Variants in SRSF9 observed in about 807,000 individuals in gnomAD.
SRSF9 encodes serine/arginine-rich splicing factor 9.
SRSF9 carries 3 observed loss-of-function variants against 25.9 expected under a neutral mutation model. The observed-to-expected ratio is 0.12, with a 90% CI of 0.05 to 0.30. The LOEUF (loss-of-function observed/expected upper bound fraction) is 0.30, where lower values mean the gene tolerates loss of function less well. Among genes scored for constraint, SRSF9 ranks in the 10% least tolerant of loss-of-function variants. SRSF9 has a pLI of 1.00. For missense variants in SRSF9, 161 were observed against 303.5 expected (o/e 0.53, Z 3.49); for synonymous variants, 114 against 113.2 (o/e 1.01, Z -0.05).
In SRSF9 at chr12:120,461,729, T is replaced by C. The variant is rs985483306; in HGVS notation, c.*290A>G. ...AATGGGCCGACTCAGTCACAGTAAC[T>C]GTTGATCTCCATAGTAGAGCAACCC... On this transcript the variant is annotated 3_prime_UTR_variant, in exon 4 of 4. Coordinates refer to ENST00000229390, the MANE Select transcript of SRSF9 (RefSeq NM_003769.3). 1 of 236,238 alleles carries C rather than the reference T, an allele frequency of 4.2e-6. No individual in the cohort carries two copies. Among genetic ancestry groups the C allele is most frequent in the African/African-American group, 2.3e-5 (1 of 44,288 alleles). 14.6% of individuals were successfully genotyped at this position (236,238 alleles called of 1,614,324 possible).
chr12:120,468,619 G>A (rs1241507854), intron 1 of SRSF9, among the ~76,000 whole-genome samples: 1 of 152,176 alleles, frequency 6.6e-6, no homozygotes, highest in African/African-American at 2.4e-5. Context: ...ACAGGGTGCG[G>A]GCTCTTATTT....
chr12:120,463,906 G>C, intron 3 of SRSF9, 44 bp downstream of exon 3: 1 of 1,561,420 alleles, frequency 6.4e-7, no homozygotes, highest in African/African-American at 1.4e-5. Flanking sequence ...GGTTCAAGTG[G>C]AGTGATTTGA....
At chr12:120,466,132 C>T (rs911545773) in intron 1 of SRSF9, among the ~76,000 whole-genome samples, 6 of 152,200 alleles carry the variant, frequency 3.9e-5, no homozygotes, top group African/African-American at 1.4e-4. Flanking sequence ...TTCTAATCTT[C>T]GTGAGCATTT....
At chr12:120,467,460 C>T (rs1448748500) in intron 1 of SRSF9, among the ~76,000 whole-genome samples, 2 of 145,244 alleles carry the variant, frequency 1.4e-5, no homozygotes, top group African/African-American at 2.9e-5. Context: ...GAGACTGTGC[C>T]GCTACACTCC....
At chr12:120,466,657 C>T (rs1878488364) in intron 1 of SRSF9, among the ~76,000 whole-genome samples, 1 of 152,108 alleles carries the variant, frequency 6.6e-6, no homozygotes, top group South Asian at 2.1e-4. Flanking sequence ...CCACCTCAGC[C>T]TCCTGAATAG....
Position 120,469,531 on chromosome 12 carries a change from C to G in SRSF9, c.79G>C (p.Glu27Gln), listed in dbSNP as rs1197713806. ...TAGAACAGGTCCTCCAAGTCCTTCT[C>G]GCGCACGTCGGTCGGAAGGTTCCCC... ...YVGNLPTDVR[E>Q]KDLEDLFYKY... Residue 27 changes from glutamate (E) to glutamine (Q), a missense_variant, in exon 1 of 4, where the codon GAG becomes CAG. This residue lies in a region of SRSF9 where 99 missense variants were observed against 156.7 expected (regional missense o/e 0.63). Coordinates refer to ENST00000229390, the MANE Select transcript of SRSF9 (RefSeq NM_003769.3). 1.3e-6 allele frequency: 2 copies of G among 1,590,760 alleles called. No homozygotes were observed. Among genetic ancestry groups the G allele is most frequent in the Admixed American group, 1.7e-5 (1 of 57,532 alleles).
intron 1 of SRSF9, 98 bp downstream of exon 1, chr12:120,469,324 G>C: frequency 2.6e-6 from 2 of 782,786 alleles, no homozygotes; most frequent in South Asian, 2.0e-5. Context: ...GCGGGGGGAG[G>C]GGAGGCCGGG....
chr12:120,469,321 G>T (rs1592994015), intron 1 of SRSF9, 101 bp downstream of exon 1: 3 of 745,130 alleles, frequency 4.0e-6, no homozygotes, highest in Non-Finnish European at 6.1e-6. Context: ...GAGGCGGGGG[G>T]AGGGGAGGCC....
chr12:120,462,326 G>A, intron 3 of SRSF9, 164 bp from the exon 4 acceptor site: 1 of 626,932 alleles, frequency 1.6e-6, no homozygotes, highest in East Asian at 3.2e-5. Context: ...TTATGAGGTA[G>A]GTACTCTTAC....
In SRSF9 at chr12:120,466,542, C is replaced by CT. The variant is rs35719401; in HGVS notation, c.189-756dup. Among the ~76,000 whole-genome samples the CT allele has an allele frequency of 2.9e-3, 427 of 146,528 alleles. 1 individual carries two copies. The highest frequency in any genetic ancestry group is 5.7e-3 in the African/African-American group (229 of 40,136). On this transcript the variant is annotated intron_variant, in intron 1 of 3. Transcript: ENST00000229390. ...TGAGTGTTTTGTGATGAATGTGGAA[C>CT]TTTTTTTTTTTTTGAAACGGGGTCT...
At chr12:120,463,828 AAGAT>A (rs1878421371) in intron 3 of SRSF9, 118 bp downstream of exon 3, 3 of 1,170,464 alleles carry the variant, frequency 2.6e-6, no homozygotes, top group African/African-American at 3.1e-5. Context: ...TTGTCCACCT[AAGAT>A]AGATCTCTTA....
At chr12:120,468,890 C>T (rs1465064572) in intron 1 of SRSF9, among the ~76,000 whole-genome samples, 1 of 152,216 alleles carries the variant, frequency 6.6e-6, no homozygotes, top group Non-Finnish European at 1.5e-5. Flanking sequence ...TCCGTGATCC[C>T]TTTACAAAGC....
chr12:120,465,863 G>C (rs1226011262), intron 1 of SRSF9, 76 bp from the exon 2 acceptor site: 1 of 1,411,606 alleles, frequency 7.1e-7, no homozygotes, highest in Non-Finnish European at 9.5e-7. Context: ...TTCCAAGTGA[G>C]GGGCATGAGT....
At chr12:120,468,572 C>T (rs889705280) in intron 1 of SRSF9, among the ~76,000 whole-genome samples, 1 of 152,236 alleles carries the variant, frequency 6.6e-6, no homozygotes. Flanking sequence ...ACCCTACGAA[C>T]ATTCCGCGTT....
chr12:120,469,318 G>A (rs1417254180), intron 1 of SRSF9, 104 bp downstream of exon 1: 6 of 730,756 alleles, frequency 8.2e-6, no homozygotes, highest in South Asian at 2.0e-5. Context: ...GCGGAGGCGG[G>A]GGGAGGGGAG....
Position 120,462,059 on chromosome 12 carries a change from C to T in SRSF9, c.626G>A (p.Arg209Lys), listed in dbSNP as rs1338335039. The change falls in exon 4 of 4, where the codon AGG becomes AAG. Residue 209 changes from arginine to lysine, a missense_variant. By Grantham distance (26) the Arg-to-Lys change is conservative. Around this residue, in one of 3 missense-constraint regions of SRSF9, gnomAD observed 21 missense variants for 20.1 expected, o/e 1.05. Transcript: ENST00000229390. ...AGGAGAGAAGTAGTGTGGGGAACCC[C>T]TGCTTTGGTATGGAGAGTCACGGCC... ...SRGRDSPYQS[R>K]GSPHYFSPFR... 1 of 1,611,950 alleles carries T rather than the reference C, an allele frequency of 6.2e-7. No homozygotes were observed. The highest frequency in any genetic ancestry group is 1.3e-5 in the African/African-American group (1 of 74,918).
chr12:120,468,203 C>A (rs1487703279), intron 1 of SRSF9, among the ~76,000 whole-genome samples: 1 of 151,048 alleles, frequency 6.6e-6, no homozygotes, highest in Non-Finnish European at 1.5e-5. Context: ...TCCGCTGAGA[C>A]GGGAGAATCA....
At chr12:120,469,010 G>A (rs1439236544) in intron 1 of SRSF9, among the ~76,000 whole-genome samples, 1 of 151,998 alleles carries the variant, frequency 6.6e-6, no homozygotes, top group Non-Finnish European at 1.5e-5. Flanking sequence ...CTCCAGCCAC[G>A]GCGAGCACGG....
intron 1 of SRSF9, among the ~76,000 whole-genome samples, chr12:120,467,529 C>G (rs1375896863): frequency 1.3e-5 from 2 of 152,002 alleles, no homozygotes; most frequent in African/African-American, 4.8e-5. Flanking sequence ...ATAAAATTAG[C>G]CTGCATTCAA....
Sources: gnomAD v4.1 joint callset for allele counts (sites outside exome capture counted in the v4.1 genomes callset) on GRCh38, gnomAD v4.1.1 for gene constraint, gnomAD v4.1.1 regional missense constraint, MANE v1.5 for transcripts, NCBI Gene and HGNC (gene_info 2026-07-23, HGNC 2026-07-21) for gene names.